CFI: variants seen among roughly 807,000 people sequenced by gnomAD.
The protein encoded by CFI is C3B/C4B inactivator.
In CFI, 66 loss-of-function variants were observed where a neutral mutation model predicts 78.8. The observed-to-expected ratio is 0.84, with a 90% CI of 0.69 to 1.03. CFI has a LOEUF of 1.03. CFI is among the 50% of genes least tolerant of loss of function. CFI has a pLI of 0.00. For synonymous variants in CFI, 250 were observed against 232.6 expected, an observed-to-expected ratio of 1.07 and a Z score of -0.68; for missense variants, 706 against 704.5, an observed-to-expected ratio of 1.00 and a Z score of -0.02.
intron 1 of CFI, among the ~76,000 whole-genome samples, chr4:109,787,393 T>C (rs1220829963): frequency 6.6e-6 from 1 of 152,006 alleles, no homozygotes; most frequent in African/African-American, 2.4e-5. Context: ...TTTCTTCCAC[T>C]TTTTTCTCTC....
At chr4:109,764,722 T>G (rs919986212) in intron 2 of CFI, 32 bp from the exon 3 acceptor site, 4 of 1,594,962 alleles carry the variant, frequency 2.5e-6, no homozygotes, top group Non-Finnish European at 2.6e-6. Flanking sequence ...ATGTGCAATA[T>G]GTAGCCATTC....
intron 1 of CFI, chr4:109,793,560 C>G (rs1560568071): frequency 6.6e-6 from 1 of 152,236 alleles, no homozygotes; most frequent in African/African-American, 2.4e-5. Flanking sequence ...GATGATCTCA[C>G]TCTGTTGCCC....
Position 109,764,564 on chromosome 4 carries a change from A to G in CFI, c.455T>C (p.Val152Ala). 6.2e-7 allele frequency: 1 copy of G among 1,614,162 alleles called. No homozygotes were observed. The highest frequency in any genetic ancestry group is 8.5e-7 in the Non-Finnish European group (1 of 1,180,012). Residue 152 changes from valine (V) to alanine (A), a missense_variant, in exon 3 of 13, where the codon GTG (valine) becomes GCG (alanine). Physicochemically the swap from Val to Ala is moderately conservative, Grantham distance 64 (BLOSUM62 0). Coordinates refer to ENST00000394634, the MANE Select transcript of CFI (RefSeq NM_000204.5). ...TTGAAACCCAAGGTCAAGGCAGGCC[A>G]CGTTGGCTTCCCTCATGCTCCAGCT... is the stretch of plus-strand genomic sequence containing the variant. ...KSSWSMREAN[V>A]ACLDLGFQQG...
At chr4:109,789,730 G>A (rs1017489167) in intron 1 of CFI, among the ~76,000 whole-genome samples, 2 of 151,952 alleles carry the variant, frequency 1.3e-5, no homozygotes, top group Non-Finnish European at 2.9e-5. Context: ...GGAAATCTTT[G>A]GGAGTTTTTG....
At chr4:109,759,244 C>A (rs1726709239) in intron 6 of CFI, among the ~76,000 whole-genome samples, 1 of 100,706 alleles carries the variant, frequency 9.9e-6, no homozygotes, top group Admixed American at 1.4e-4. Flanking sequence ...GCAAACGACT[C>A]AGTTTCTCTA....
At chr4:109,798,885 GGGA>G (rs1732408204) in intron 1 of CFI, among the ~76,000 whole-genome samples, 1 of 106,650 alleles carries the variant, frequency 9.4e-6, no homozygotes, top group South Asian at 3.2e-4. Flanking sequence ...TGCAAGAGGA[GGGA>G]GAGAGAGAGA....
intron 1 of CFI, among the ~76,000 whole-genome samples, chr4:109,795,412 G>A (rs188032617): frequency 6.6e-6 from 1 of 152,304 alleles, no homozygotes; most frequent in African/African-American, 2.4e-5. Context: ...TGAAAGAGGT[G>A]GCTGCTTCTT....
intron 1 of CFI, 68 bp from the exon 2 acceptor site, chr4:109,766,892 G>C: frequency 6.5e-7 from 1 of 1,530,486 alleles, no homozygotes. Flanking sequence ...ATGAGTAAGT[G>C]AAGGAAAAGA....
chr4:109,746,352 A>G lies in CFI; in HGVS notation c.1299T>C (p.Ile433=), dbSNP rs764676389. The change falls in exon 11 of 13, where the codon ATT becomes ATC. Residue 433 remains isoleucine (I), a synonymous_variant. Transcript: ENST00000394634. ...TTTTGTTTCCGTCTTTTTTCATTTC[A>G]ATCAAAGCGATGTCATTTTGGTAAG... ...AGTYQNDIAL[I]EMKKDGNKKD... The G allele has an allele frequency of 3.1e-6, 5 of 1,614,158 alleles. No homozygotes were observed. The South Asian group carries it at 5.5e-5, about 18-fold the overall frequency.
intron 2 of CFI, among the ~76,000 whole-genome samples, chr4:109,766,276 T>G (rs527771915): frequency 6.6e-6 from 1 of 151,808 alleles, no homozygotes; most frequent in East Asian, 1.9e-4. Context: ...CAAGTAGAAG[T>G]GAGGGTGGGG....
Position 109,740,842 on chromosome 4 carries a change from A to T in CFI, c.*51T>A. 3 of 1,476,494 alleles carry T rather than the reference A, an allele frequency of 2.0e-6. No individual in the cohort carries two copies. Among genetic ancestry groups the T allele is most frequent in the Non-Finnish European group, 2.8e-6 (3 of 1,055,630 alleles). 91.5% of individuals were successfully genotyped at this position (1,476,494 alleles called of 1,614,324 possible). Reference sequence around the variant, plus strand: ...TTAATTATACCGTTTTATTTCCATTAAATGGAACTCTTGAGAGAAAAAGAA... The same window carrying T: ...TTAATTATACCGTTTTATTTCCATTTAATGGAACTCTTGAGAGAAAAAGAA... On this transcript the variant is annotated 3_prime_UTR_variant, in exon 13 of 13. Coordinates refer to ENST00000394634, the MANE Select transcript of CFI (RefSeq NM_000204.5).
chr4:109,764,863 G>A (rs1727539554), intron 2 of CFI, among the ~76,000 whole-genome samples, 173 bp from the exon 3 acceptor site: 2 of 152,128 alleles, frequency 1.3e-5, no homozygotes, highest in Admixed American at 1.3e-4. Flanking sequence ...TGTGTCAGCG[G>A]CAGTGCTATT....
chr4:109,745,906 C>T (rs1282851634), intron 11 of CFI, among the ~76,000 whole-genome samples: 1 of 152,074 alleles, frequency 6.6e-6, no homozygotes, highest in Non-Finnish European at 1.5e-5. Context: ...CTTTGAAAGC[C>T]TAGATAAGGA....
intron 7 of CFI, among the ~76,000 whole-genome samples, chr4:109,753,845 CTTATATTATATATTATA>C (rs1725741593): frequency 1.0e-4 from 5 of 47,840 alleles, no homozygotes; most frequent in Admixed American, 5.9e-4. Context: ...AATGTATAAT[CTTATATTATATATTATA>C]TAATGTATAA....
At chr4:109,734,334 A>G in the CFI span, among the ~76,000 whole-genome samples, 5 of 152,336 alleles carry the variant, frequency 3.3e-5, no homozygotes, top group African/African-American at 1.2e-4. Context: ...AAAGTGCTAT[A>G]TTCTGGTGTG....
intron 1 of CFI, among the ~76,000 whole-genome samples, chr4:109,769,160 T>A (rs1381334187): frequency 6.6e-6 from 1 of 152,206 alleles, no homozygotes; most frequent in Non-Finnish European, 1.5e-5. Flanking sequence ...GCAACTTGAT[T>A]TTTTTCTACC....
intron 1 of CFI, among the ~76,000 whole-genome samples, chr4:109,783,142 C>T (rs1035865522): frequency 6.6e-6 from 1 of 152,038 alleles, no homozygotes; most frequent in Non-Finnish European, 1.5e-5. Flanking sequence ...ACCAAGAACC[C>T]AAAAGCAAAT....
intron 7 of CFI, among the ~76,000 whole-genome samples, chr4:109,756,889 GA>G (rs1726246037): frequency 2.7e-3 from 26 of 9,762 alleles, no homozygotes; most frequent in Non-Finnish European, 4.8e-3. Context: ...AGAAAGAAAG[GA>G]AAGAAAGAAA....
chr4:109,738,101 G>A (rs531501210), downstream of CFI, among the ~76,000 whole-genome samples: 1 of 141,722 alleles, frequency 7.1e-6, no homozygotes, highest in East Asian at 2.1e-4. Flanking sequence ...TTGTAGCACT[G>A]GAGTACTTTT....
Sources: gnomAD v4.1 joint callset for allele counts (sites outside exome capture counted in the v4.1 genomes callset) on GRCh38, gnomAD v4.1.1 for gene constraint, MANE v1.5 for transcripts, NCBI Gene and HGNC (gene_info 2026-07-23, HGNC 2026-07-21) for gene names.